Variants in LTBP2 observed in about 807,000 individuals in gnomAD.
LTBP2 encodes the protein latent transforming growth factor beta binding protein 2.
A neutral mutation model predicts 210.6 loss-of-function variants in LTBP2; 103 were observed. The ratio of observed to expected loss-of-function variants is 0.49; its 90% CI spans 0.42 to 0.58. The LOEUF is 0.58. Ranked by LOEUF, LTBP2 falls within the 20% of genes least tolerant of loss-of-function variation. The pLI is 0.00. For synonymous variants in LTBP2, 1,007 were observed against 1,015.0 expected (o/e 0.99, Z 0.15); for missense variants, 2,313 against 2,494.5 (o/e 0.93, Z 1.55).
At chr14:74,599,924 C>T (rs2088421141) in intron 2 of LTBP2, among the ~76,000 whole-genome samples, 1 of 152,232 alleles carries the variant, frequency 6.6e-6, no homozygotes, top group African/African-American at 2.4e-5. Context: ...GATGTCAGCC[C>T]CCATCTCTCA....
intron 8 of LTBP2, among the ~76,000 whole-genome samples, chr14:74,545,226 C>G (rs557361819): frequency 6.6e-6 from 1 of 152,268 alleles, no homozygotes; most frequent in South Asian, 2.1e-4. Flanking sequence ...TCTACCTGCC[C>G]TAGATGTATG....
intron 3 of LTBP2, among the ~76,000 whole-genome samples, chr14:74,580,522 G>A (rs1418952805): frequency 6.6e-6 from 1 of 152,210 alleles, no homozygotes; most frequent in Non-Finnish European, 1.5e-5. Context: ...CAACAGATAT[G>A]CTAGCAGAGA....
chr14:74,553,895 G>A (rs2087693753), intron 4 of LTBP2, among the ~76,000 whole-genome samples: 1 of 150,000 alleles, frequency 6.7e-6, no homozygotes, highest in Admixed American at 6.6e-5. Context: ...TGACTGTGAA[G>A]GGAGGAGATA....
At chr14:74,532,398 C>T in intron 10 of LTBP2, 28 bp downstream of exon 10, 1 of 1,612,910 alleles carries the variant, frequency 6.2e-7, no homozygotes. Flanking sequence ...CCACTGTCCA[C>T]CCCCACCCCA....
chr14:74,553,923 CGTGTGTGT>C lies in LTBP2; in HGVS notation c.1022-869_1022-862del, dbSNP rs34143485. On this transcript the variant is annotated intron_variant, in intron 4 of 35. Coordinates refer to ENST00000261978, the MANE Select transcript of LTBP2 (RefSeq NM_000428.3). ...AGGAGATAGGAAGAAAGCGGAGAAA[CGTGTGTGT>C]GTGTGTGTGTGTGTGTGTGTGTGTG... 7.7e-3 allele frequency among the ~76,000 whole-genome samples: 1,011 copies of C among 130,628 alleles called. 1 individual carries two copies. The highest frequency in any genetic ancestry group is 0.015 in the Middle Eastern group (4 of 260). 85.7% of individuals were successfully genotyped at this position (130,628 alleles called of 152,430 possible).
At chr14:74,521,767 G>C (rs1264449789) in intron 17 of LTBP2, 144 bp downstream of exon 17, 3 of 1,141,924 alleles carry the variant, frequency 2.6e-6, no homozygotes, top group Non-Finnish European at 3.9e-6. Context: ...ATCCAGGCTG[G>C]AGTTCTGGTC....
chr14:74,528,084 A>C (rs1372414074), intron 12 of LTBP2, among the ~76,000 whole-genome samples: 2 of 151,676 alleles, frequency 1.3e-5, no homozygotes, highest in African/African-American at 4.8e-5. Context: ...TAGCACTCTG[A>C]CTCCAAGGCC....
intron 7 of LTBP2, 83 bp downstream of exon 7, chr14:74,550,981 G>C: frequency 6.6e-7 from 1 of 1,524,352 alleles, no homozygotes; most frequent in Non-Finnish European, 9.1e-7. Flanking sequence ...AGAACAAAGA[G>C]GACAGAGAGG....
intron 2 of LTBP2, among the ~76,000 whole-genome samples, chr14:74,603,417 G>A (rs570061770): frequency 2.3e-3 from 343 of 152,272 alleles, no homozygotes; most frequent in African/African-American, 7.5e-3. Context: ...ATGAGCCACC[G>A]CTCCCGGCCC....
In LTBP2 at chr14:74,504,005, C is replaced by A; in HGVS notation, c.4503G>T (p.Arg1501=). The A allele has an allele frequency of 6.2e-7, 1 of 1,614,086 alleles. No homozygotes were observed. The highest frequency in any genetic ancestry group is 8.5e-7 in the Non-Finnish European group (1 of 1,180,020). Residue 1501 remains arginine, a synonymous_variant, in exon 31 of 36, where the codon CGG becomes CGT. Transcript: ENST00000261978. ...IFGPGLCPNG[R]CLNTVPGYVC... ...CATAACCAGGCACGGTGTTGAGGCACCGGCCGTTCGGGCAGAGACCAGGCC... is the reference window on the plus strand; with the variant it reads ...CATAACCAGGCACGGTGTTGAGGCAACGGCCGTTCGGGCAGAGACCAGGCC...
chr14:74,528,362 C>A, intron 12 of LTBP2, 121 bp downstream of exon 12: 1 of 1,179,132 alleles, frequency 8.5e-7, no homozygotes, highest in Non-Finnish European at 1.3e-6. Context: ...TCCAAGCTCC[C>A]TTTCCTAATG....
Position 74,527,340 on chromosome 14 carries a change from C to A in LTBP2, c.2388+7G>T, listed in dbSNP as rs1566624318. On this transcript the variant is annotated splice_region_variant and intron_variant, in intron 13 of 35. Coordinates refer to ENST00000261978, the MANE Select transcript of LTBP2 (RefSeq NM_000428.3). ...TGCCCGGCCCCCTAGTGGGAGGACG[C>A]ACTCACCTGGCCAGCCTGAGAGTCA... is the stretch of plus-strand genomic sequence containing the variant. 1.2e-6 allele frequency: 2 copies of A among 1,611,400 alleles called. No homozygotes were observed. The highest frequency in any genetic ancestry group is 8.5e-7 in the Non-Finnish European group (1 of 1,179,172).
intron 2 of LTBP2, 148 bp downstream of exon 2, chr14:74,603,487 G>C (rs555984666): frequency 2.5e-6 from 2 of 789,262 alleles, no homozygotes; most frequent in Admixed American, 4.0e-5. Context: ...ACTTTAAATA[G>C]GGGCTGCATC....
Position 74,506,160 on chromosome 14 carries a change from T to C in LTBP2, c.4065A>G (p.Val1355=), listed in dbSNP as rs142591102. 21 of 1,614,156 alleles carry C rather than the reference T, an allele frequency of 1.3e-5. No homozygotes were observed. The African/African-American group carries it at 2.5e-4, about 19-fold the overall frequency. ...CGTTCTCACAGAGCGCGGCCCCACA[T>C]ACCGCCAGCATAAGCTCACACTCGT... The part of the protein sequence containing the change: ...DVNECELMLA[V]CGAALCENVE... Residue 1355 remains valine, a synonymous_variant, in exon 28 of 36, where the codon GTA becomes GTG. Coordinates refer to ENST00000261978, the MANE Select transcript of LTBP2 (RefSeq NM_000428.3).
Position 74,551,167 on chromosome 14 carries a change from T to G in LTBP2, c.1583A>C (p.Asn528Thr), listed in dbSNP as rs201484114. ...SPGHSLWDSN[N>T]IPARSGEPPR... is the part of the protein sequence containing the mutation. ...GGGCTCTCCAGACCGAGCAGGGATGTTGTTGCTGTCCCAGAGGCTGTGGCC... is the reference window on the plus strand; with the variant it reads ...GGGCTCTCCAGACCGAGCAGGGATGGTGTTGCTGTCCCAGAGGCTGTGGCC... The change falls in exon 7 of 36, where the codon AAC becomes ACC. Residue 528 changes from asparagine (N) to threonine (T), a missense_variant. This residue lies in a region of LTBP2 where 1,867 missense variants were observed against 1,976.9 expected (regional missense o/e 0.94). Coordinates refer to ENST00000261978, the MANE Select transcript of LTBP2 (RefSeq NM_000428.3). 5.0e-6 allele frequency: 8 copies of G among 1,613,844 alleles called. No homozygotes were observed. The African/African-American group carries it at 9.3e-5, about 19-fold the overall frequency.
At chr14:74,599,823 G>A (rs571330870) in intron 2 of LTBP2, among the ~76,000 whole-genome samples, 3 of 152,372 alleles carry the variant, frequency 2.0e-5, no homozygotes, top group Admixed American at 2.0e-4. Flanking sequence ...AGCACTCCCT[G>A]AGCATGGGCA....
At chr14:74,513,030 A>T (rs991758385) in intron 18 of LTBP2, among the ~76,000 whole-genome samples, 1 of 152,204 alleles carries the variant, frequency 6.6e-6, no homozygotes. Flanking sequence ...AGAGAACGAG[A>T]TTGAGGCAAA....
Position 74,521,970 on chromosome 14 carries a change from G to A in LTBP2, c.2729C>T (p.Ser910Phe). 1 of 1,614,198 alleles carries A rather than the reference G, an allele frequency of 6.2e-7. No homozygotes were observed. The highest frequency in any genetic ancestry group is 8.5e-7 in the Non-Finnish European group (1 of 1,180,018). ...GRCINRVGSY[S>F]CFCYPGYTLA... ...AGTGTAGCCAGGGTAGCAGAAGCAGGAGTAGGACCCCACGCGGTTGATGCA... is the reference window on the plus strand; with the variant it reads ...AGTGTAGCCAGGGTAGCAGAAGCAGAAGTAGGACCCCACGCGGTTGATGCA... The change falls in exon 17 of 36, where the codon TCC (serine) becomes TTC (phenylalanine). Residue 910 changes from serine to phenylalanine, a missense_variant. Physicochemically the swap from Ser to Phe is radical, Grantham distance 155. Transcript: ENST00000261978.
At chr14:74,527,891 T>C (rs761338449) in intron 12 of LTBP2, among the ~76,000 whole-genome samples, 36 of 152,234 alleles carry the variant, frequency 2.4e-4, no homozygotes, top group Non-Finnish European at 4.4e-4. Context: ...TCCAGATTCC[T>C]GGAGCAGTTT....
Sources: allele counts gnomAD v4.1 joint callset (sites outside exome capture counted in the v4.1 genomes callset), GRCh38; gene constraint gnomAD v4.1.1; regional missense constraint gnomAD v4.1.1; transcripts MANE v1.5; gene names NCBI Gene and HGNC (gene_info 2026-07-23, HGNC 2026-07-21).